The following MAML2 variants were observed in gnomAD, a reference collection of about 807,000 sequenced individuals.
The protein encoded by MAML2 is mastermind-like protein 2.
In MAML2, 22 loss-of-function variants were observed where a neutral mutation model predicts 96.1. The observed-to-expected ratio is 0.23, with a 90% CI of 0.16 to 0.33. MAML2 has a LOEUF of 0.33. Ranked by LOEUF, MAML2 falls within the 10% of genes least tolerant of loss-of-function variation. MAML2 has a pLI of 1.00. For synonymous variants in MAML2, 561 were observed against 521.3 expected, an observed-to-expected ratio of 1.08 and a Z score of -1.04; for missense variants, 1,367 against 1,392.4, an observed-to-expected ratio of 0.98 and a Z score of 0.29.
rs140350296 is a variant in MAML2 at position 96,157,608 on chromosome 11, C to T, written c.514-64091G>A. 6.4e-4 allele frequency among the ~76,000 whole-genome samples: 98 copies of T among 152,310 alleles called. No individual in the cohort carries two copies. In the East Asian group the frequency reaches 0.014, roughly 21 times the overall value. On this transcript the variant is annotated intron_variant, in intron 1 of 4. Coordinates refer to ENST00000524717, the MANE Select transcript of MAML2 (RefSeq NM_032427.4). ...AAATAACTGATAAGTATCTCTTATA[C>T]AAAATTTGACTTTTGCAAGTAAAAG...
intron 3 of MAML2, among the ~76,000 whole-genome samples, chr11:95,987,315 G>T (rs1052742427): frequency 6.6e-6 from 1 of 152,128 alleles, no homozygotes; most frequent in Non-Finnish European, 1.5e-5. Flanking sequence ...ACATTCTGTA[G>T]GATTGTTTAT....
rs533606792 is a variant in MAML2, at chr11:96,242,499, A to G, written c.513+98884T>C. On this transcript the variant is annotated intron_variant, in intron 1 of 4. Coordinates refer to ENST00000524717, the MANE Select transcript of MAML2 (RefSeq NM_032427.4). ...AAGAGAAACAGAGATGGCAGTTTTC[A>G]TCATAAAAGGGGGAAAACATTTTCC... Among the ~76,000 whole-genome samples the G allele has an allele frequency of 7.4e-4, 113 of 152,350 alleles. 1 individual carries two copies. Among genetic ancestry groups the G allele is most frequent in the Non-Finnish European group, 8.8e-4 (60 of 68,028 alleles).
In MAML2 at chr11:96,251,153, C is replaced by A. The variant is rs554197892; in HGVS notation, c.513+90230G>T. Among the ~76,000 whole-genome samples the A allele has an allele frequency of 3.9e-5, 6 of 152,272 alleles. No homozygotes were observed. In the South Asian group the frequency reaches 1.2e-3, roughly 32 times the overall value. On this transcript the variant is annotated intron_variant, in intron 1 of 4. Transcript: ENST00000524717. ...CATTCTCTTCTGCCATTGATGTTGC[C>A]CAAAAACTGAGGCTGAAGTTACCCA...
rs573003664 is a variant in MAML2, at chr11:95,982,701, G to A, written c.2456-2738C>T. Among the ~76,000 whole-genome samples, 8 of 152,218 alleles carry A rather than the reference G, an allele frequency of 5.3e-5. No homozygotes were observed. In the South Asian group the frequency reaches 1.7e-3, roughly 32 times the overall value. ...AGGGCGCCCAGCTTTTTCAAAGCTC[G>A]CTCATAGGCCATGGTATTAAAAAAC... On this transcript the variant is annotated intron_variant, in intron 4 of 4. Coordinates refer to ENST00000524717, the MANE Select transcript of MAML2 (RefSeq NM_032427.4).
intron 1 of MAML2, among the ~76,000 whole-genome samples, chr11:96,251,570 G>T (rs1160708651): frequency 6.6e-6 from 1 of 152,110 alleles, no homozygotes; most frequent in Non-Finnish European, 1.5e-5. Flanking sequence ...TTCTAGCTAA[G>T]CCCAAAAGAC....
chr11:96,069,222 C>G (rs564152896), intron 2 of MAML2, among the ~76,000 whole-genome samples: 2 of 152,260 alleles, frequency 1.3e-5, no homozygotes, highest in East Asian at 3.9e-4. Flanking sequence ...GCCACTGAGT[C>G]TGGCCTATTT....
chr11:96,211,212 T>C (rs1861965892), intron 1 of MAML2, among the ~76,000 whole-genome samples: 1 of 152,192 alleles, frequency 6.6e-6, no homozygotes, highest in African/African-American at 2.4e-5. Context: ...TGTTAGCATC[T>C]TGATGTGATA....
intron 1 of MAML2, among the ~76,000 whole-genome samples, chr11:96,119,675 G>A (rs1860301907): frequency 6.6e-6 from 1 of 152,318 alleles, no homozygotes; most frequent in South Asian, 2.1e-4. Context: ...ACTCCTGTAA[G>A]CCTGGCTCTA....
intron 2 of MAML2, among the ~76,000 whole-genome samples, chr11:96,018,417 G>T (rs374963910): frequency 3.4e-4 from 51 of 152,110 alleles, no homozygotes; most frequent in African/African-American, 1.2e-3. Flanking sequence ...TCATGAATTT[G>T]GATGCTATCA....
At chr11:96,007,291 G>A (rs1036562569) in intron 2 of MAML2, among the ~76,000 whole-genome samples, 47 of 112,072 alleles carry the variant, frequency 4.2e-4, no homozygotes, top group African/African-American at 1.5e-3. Context: ...GATTACAGGC[G>A]TGAGCCACCA....
chr11:96,074,163 G>A (rs1261776046), intron 2 of MAML2, among the ~76,000 whole-genome samples: 2 of 152,136 alleles, frequency 1.3e-5, no homozygotes, highest in Non-Finnish European at 2.9e-5. Flanking sequence ...AAAAGTCTGA[G>A]GACCACTCAA....
intron 1 of MAML2, among the ~76,000 whole-genome samples, chr11:96,232,556 G>A (rs150272229): frequency 0.037 from 5,553 of 151,780 alleles, 321 homozygotes; most frequent in African/African-American, 0.12. Context: ...TGCAAGCTCC[G>A]CCTCCCCGGT....
rs574513059 is a variant in MAML2 at position 96,269,969 on chromosome 11, A to G, written c.513+71414T>C. Among the ~76,000 whole-genome samples the G allele has an allele frequency of 1.6e-4, 23 of 144,220 alleles. 2 individuals are homozygous for G. Among genetic ancestry groups the G allele is most frequent in the African/African-American group, 5.9e-4 (22 of 37,566 alleles). 94.6% of individuals were successfully genotyped at this position (144,220 alleles called of 152,430 possible). ...AAACCTCATGGCTTTAAATATTTAA[A>G]TTAGCATAGCACTGATGACTGACAA... On this transcript the variant is annotated intron_variant, in intron 1 of 4. Coordinates refer to ENST00000524717, the MANE Select transcript of MAML2 (RefSeq NM_032427.4).
intron 1 of MAML2, among the ~76,000 whole-genome samples, chr11:96,100,403 A>C (rs1266639894): frequency 6.6e-6 from 1 of 150,848 alleles, no homozygotes; most frequent in Non-Finnish European, 1.5e-5. Context: ...TCCGCCTCCC[A>C]GGTTCATGTG....
chr11:95,987,753 GAC>G (rs1293395386), intron 3 of MAML2, among the ~76,000 whole-genome samples: 1 of 152,170 alleles, frequency 6.6e-6, no homozygotes, highest in Non-Finnish European at 1.5e-5. Context: ...AGGCTTGAAA[GAC>G]ACAGTTTTTT....
chr11:96,243,392 G>C, intron 1 of MAML2, among the ~76,000 whole-genome samples: 1 of 152,192 alleles, frequency 6.6e-6, no homozygotes, highest in South Asian at 2.1e-4. Context: ...GCTAGAGGAG[G>C]CCAGCTCTGA....
chr11:96,336,994 A>G (rs962964618), intron 1 of MAML2, among the ~76,000 whole-genome samples: 4 of 152,224 alleles, frequency 2.6e-5, no homozygotes, highest in African/African-American at 9.6e-5. Flanking sequence ...TGATAACATC[A>G]CCTTGATGTC....
chr11:96,295,509 G>A (rs541615449), intron 1 of MAML2, among the ~76,000 whole-genome samples: 59 of 152,248 alleles, frequency 3.9e-4, no homozygotes, highest in Admixed American at 9.2e-4. Flanking sequence ...CTATGAGGAC[G>A]AAATGCCTAT....
chr11:96,119,946 G>A (rs937159348), intron 1 of MAML2, among the ~76,000 whole-genome samples: 1 of 147,124 alleles, frequency 6.8e-6, no homozygotes, highest in Non-Finnish European at 1.5e-5. Context: ...ATATATTTGC[G>A]AGAAGATTCA....
Sources: gnomAD v4.1 joint callset for allele counts (sites outside exome capture counted in the v4.1 genomes callset) on GRCh38, gnomAD v4.1.1 for gene constraint, MANE v1.5 for transcripts, NCBI Gene and HGNC (gene_info 2026-07-23, HGNC 2026-07-21) for gene names.